Variants in CACNA1E observed in about 807,000 individuals in gnomAD.
The protein encoded by CACNA1E is calcium voltage-gated channel subunit alpha1 E, also known as voltage-dependent R-type calcium channel subunit alpha-1E.
In CACNA1E, 40 loss-of-function variants were observed where a neutral mutation model predicts 259.2. That is an observed-to-expected ratio of 0.15 (90% CI 0.12 to 0.20). CACNA1E has a LOEUF of 0.20. Ranked by LOEUF, CACNA1E falls within the 10% of genes least tolerant of loss-of-function variation. CACNA1E has a pLI of 1.00. For missense variants in CACNA1E, 1,874 were observed against 3,040.1 expected, an observed-to-expected ratio of 0.62 and a Z score of 9.02; for synonymous variants, 1,104 against 1,138.5, an observed-to-expected ratio of 0.97 and a Z score of 0.61.
At chr1:181,522,114 A>C (rs1174697876) in intron 3 of CACNA1E, among the ~76,000 whole-genome samples, 3 of 152,200 alleles carry the variant, frequency 2.0e-5, no homozygotes, top group African/African-American at 7.2e-5. Flanking sequence ...AAATGACTCC[A>C]TGTCTCCTCA....
At chr1:181,364,486 T>G (rs1654117387) in intron 1 of CACNA1E, among the ~76,000 whole-genome samples, 1 of 152,094 alleles carries the variant, frequency 6.6e-6, no homozygotes, top group South Asian at 2.1e-4. Flanking sequence ...AGAGGTGGGA[T>G]GGAGGCTATC....
In CACNA1E at chr1:181,511,007, C is replaced by T. The variant is rs959488764; in HGVS notation, c.373-364C>T. Among the ~76,000 whole-genome samples the T allele has an allele frequency of 2.0e-4, 30 of 152,222 alleles. 1 individual carries two copies. Among genetic ancestry groups the T allele is most frequent in the Admixed American group, 2.6e-4 (4 of 15,288 alleles). On this transcript the variant is annotated intron_variant, in intron 2 of 47. Transcript: ENST00000367573. ...ACGTATTCCCCCTAAAAAGAGCAGA[C>T]AAACTGCCTAAAATTCACGTGTGTA... is the stretch of plus-strand genomic sequence containing the variant.
Position 181,541,398 on chromosome 1 carries a change from T to C in CACNA1E, c.512+29888T>C, listed in dbSNP as rs190988489. On this transcript the variant is annotated intron_variant, in intron 3 of 47. Coordinates refer to ENST00000367573, the MANE Select transcript of CACNA1E (RefSeq NM_001205293.3). Reference sequence around the variant, plus strand: ...TTTCAAGGAATAGGATTTCAGGAGCTAGAGGTACTAGGAGTTATGAATCTC... The same window carrying C: ...TTTCAAGGAATAGGATTTCAGGAGCCAGAGGTACTAGGAGTTATGAATCTC... 1.7e-3 allele frequency among the ~76,000 whole-genome samples: 256 copies of C among 151,680 alleles called. 1 individual carries two copies. Among genetic ancestry groups the C allele is most frequent in the African/African-American group, 6.0e-3 (246 of 41,306 alleles).
chr1:181,720,167 T>C, intron 13 of CACNA1E, 39 bp from the exon 14 acceptor site: 1 of 1,612,536 alleles, frequency 6.2e-7, no homozygotes, highest in Non-Finnish European at 8.5e-7. Context: ...TGACTTGGTA[T>C]GCAGTGTTCA....
chr1:181,421,112 T>C (rs1156390106), intron 2 of CACNA1E, among the ~76,000 whole-genome samples: 1 of 152,188 alleles, frequency 6.6e-6, no homozygotes, highest in East Asian at 1.9e-4. Flanking sequence ...TCACTCCAGG[T>C]CCTCTAATTC....
At chr1:181,775,855 A>G (rs1351543821) in intron 37 of CACNA1E, among the ~76,000 whole-genome samples, 2 of 152,162 alleles carry the variant, frequency 1.3e-5, no homozygotes, top group Non-Finnish European at 2.9e-5. Context: ...AATATTTGCT[A>G]TCTGACCAGT....
chr1:181,409,829 A>C (rs1259206611), intron 1 of CACNA1E, among the ~76,000 whole-genome samples: 6 of 152,250 alleles, frequency 3.9e-5, no homozygotes, highest in African/African-American at 1.4e-4. Flanking sequence ...TTTGATATTC[A>C]TAACATAAAG....
chr1:181,670,758 C>T (rs1200388453), intron 7 of CACNA1E, among the ~76,000 whole-genome samples: 1 of 152,140 alleles, frequency 6.6e-6, no homozygotes, highest in African/African-American at 2.4e-5. Context: ...TCCCCATGCC[C>T]CCACCCCACT....
At position 181,758,213 on chromosome 1, in the gene CACNA1E, C is replaced by G; in HGVS notation, c.4494+102C>G. On this transcript the variant is annotated intron_variant, in intron 31 of 47. Coordinates refer to ENST00000367573, the MANE Select transcript of CACNA1E (RefSeq NM_001205293.3). The surrounding 1 kb of genome is among the most constrained non-coding windows in gnomAD (Gnocchi z 4.2). The stretch of plus-strand genomic sequence containing the variant: ...ACATCCCAGCCCATCACTGCTTTAC[C>G]TACTTTTCCATCATTGAATCCTTTT... The G allele has an allele frequency of 9.6e-7, 1 of 1,043,382 alleles. No individual in the cohort carries two copies. The highest frequency in any genetic ancestry group is 1.4e-6 in the Non-Finnish European group (1 of 704,550). The allele number at this position is 1,043,382 out of a possible 1,614,324, so 64.6% of individuals were successfully genotyped here. A position where few individuals can be genotyped will look rare whatever the true frequency, so the allele number is the denominator to read the frequency against.
intron 1 of CACNA1E, among the ~76,000 whole-genome samples, chr1:181,391,065 C>T (rs945805314): frequency 2.4e-4 from 36 of 152,314 alleles, no homozygotes; most frequent in Non-Finnish European, 3.7e-4. Context: ...CAATCTATCA[C>T]CAAATTGCTT....
chr1:181,598,193 C>T (rs1461103235), intron 6 of CACNA1E, among the ~76,000 whole-genome samples: 1 of 152,160 alleles, frequency 6.6e-6, no homozygotes, highest in Non-Finnish European at 1.5e-5. Context: ...ACGGACATAC[C>T]AAACATTGGA....
intron 21 of CACNA1E, among the ~76,000 whole-genome samples, chr1:181,735,444 G>T (rs1017992369): frequency 6.6e-6 from 1 of 152,244 alleles, no homozygotes; most frequent in Non-Finnish European, 1.5e-5. Context: ...GGGTTCCAGG[G>T]TGGAGTCATT....
rs117131434 is a variant in CACNA1E at position 181,801,568 on chromosome 1, G to T, written c.*2734G>T. On this transcript the variant is annotated 3_prime_UTR_variant, in exon 48 of 48. Coordinates refer to ENST00000367573, the MANE Select transcript of CACNA1E (RefSeq NM_001205293.3). ...AGACCAGAAAATAAAATAATTTTCC[G>T]TTGAGTCACAAACTCATCATCTTGT... 9.9e-5 allele frequency: 15 copies of T among 152,078 alleles called. No individual in the cohort carries two copies. Among genetic ancestry groups the T allele is most frequent in the African/African-American group, 3.6e-4 (15 of 41,392 alleles). 9.4% of individuals were successfully genotyped at this position (152,078 alleles called of 1,614,324 possible).
Position 181,571,847 on chromosome 1 carries a change from T to C in CACNA1E, c.513-5919T>C, listed in dbSNP as rs188165030. Among the ~76,000 whole-genome samples, 213 of 152,188 alleles carry C rather than the reference T, an allele frequency of 1.4e-3. 2 individuals are homozygous for C. The highest frequency in any genetic ancestry group is 2.5e-3 in the Non-Finnish European group (169 of 68,002). On this transcript the variant is annotated intron_variant, in intron 3 of 47. Coordinates refer to ENST00000367573, the MANE Select transcript of CACNA1E (RefSeq NM_001205293.3). Reference sequence around the variant, plus strand: ...CTTGTGTCTCCTTTCAGAAGAGAAATTGGAAATTTTTTTCTAGGGCTGGGA... The same window carrying C: ...CTTGTGTCTCCTTTCAGAAGAGAAACTGGAAATTTTTTTCTAGGGCTGGGA...
chr1:181,751,466 C>CA (rs1657588563), intron 26 of CACNA1E, among the ~76,000 whole-genome samples: 1 of 152,206 alleles, frequency 6.6e-6, no homozygotes, highest in Non-Finnish European at 1.5e-5. Context: ...GCCAGCCACA[C>CA]AGAGGTACTG....
intron 41 of CACNA1E, 59 bp downstream of exon 41, chr1:181,784,827 C>A: frequency 9.9e-7 from 1 of 1,014,486 alleles, no homozygotes; most frequent in Non-Finnish European, 1.5e-6. Flanking sequence ...AAGACTACGT[C>A]TTTGGGGGGA....
chr1:181,561,278 CA>C (rs948261493), intron 3 of CACNA1E, among the ~76,000 whole-genome samples: 3 of 152,152 alleles, frequency 2.0e-5, no homozygotes, highest in South Asian at 2.1e-4. Flanking sequence ...TTAATACTGA[CA>C]TTTTTTTGAA....
At chr1:181,353,710 T>C (rs984984947) in intron 1 of CACNA1E, among the ~76,000 whole-genome samples, 42 of 152,102 alleles carry the variant, frequency 2.8e-4, no homozygotes, top group Admixed American at 1.9e-3. Context: ...TCCCAATGCA[T>C]CCCATTGGCT....
At chr1:181,553,677 A>G (rs758145129) in intron 3 of CACNA1E, among the ~76,000 whole-genome samples, 3 of 152,200 alleles carry the variant, frequency 2.0e-5, no homozygotes, top group African/African-American at 7.2e-5. Context: ...GATGCGTTCC[A>G]TCAATACCTA....
Sources: gnomAD v4.1 joint callset for allele counts (sites outside exome capture counted in the v4.1 genomes callset) on GRCh38, gnomAD v4.1.1 for gene constraint, Gnocchi (gnomAD v3.1) non-coding constraint, MANE v1.5 for transcripts, NCBI Gene and HGNC (gene_info 2026-07-23, HGNC 2026-07-21) for gene names.